Variants in IL1RAPL2 observed in about 807,000 individuals in gnomAD.
The protein encoded by IL1RAPL2 is interleukin 1 receptor accessory protein like 2, also known as X-linked interleukin-1 receptor accessory protein-like 2.
Under a neutral mutation model 44.1 loss-of-function variants are expected in IL1RAPL2, and 3 were observed. The ratio of observed to expected loss-of-function variants is 0.07; its 90% CI spans 0.03 to 0.18. The LOEUF is 0.18. Among genes scored for constraint, IL1RAPL2 ranks in the 10% least tolerant of loss-of-function variants. The pLI is 1.00. For synonymous variants in IL1RAPL2, 181 were observed against 178.8 expected (o/e 1.01, Z -0.10); for missense variants, 391 against 496.4 (o/e 0.79, Z 2.02).
intron 2 of IL1RAPL2, among the ~76,000 whole-genome samples, chrX:105,108,920 A>G (rs780743476): frequency 1.7e-4 from 19 of 111,956 alleles, no homozygotes; most frequent in Admixed American, 6.6e-4. Flanking sequence ...AAGGCCCTGC[A>G]TGAACTGACC....
intron 6 of IL1RAPL2, among the ~76,000 whole-genome samples, chrX:105,705,526 G>T (rs1181640499): frequency 9.0e-6 from 1 of 110,781 alleles, no homozygotes; most frequent in African/African-American, 3.3e-5. Flanking sequence ...GTAGAGAGAT[G>T]GGTGTAACAG....
chrX:104,908,953 C>G lies in IL1RAPL2; in HGVS notation c.82+249958C>G, dbSNP rs1309000157. ...CTGCAGAGTGTTTTCCAACTTGGTT[C>G]CATTCTCCCCGTCACTTTCAGGTAC... On this transcript the variant is annotated intron_variant, in intron 2 of 10. Coordinates refer to ENST00000372582, the MANE Select transcript of IL1RAPL2 (RefSeq NM_017416.2). 7.2e-5 allele frequency among the ~76,000 whole-genome samples: 8 copies of G among 110,613 alleles called. No individual in the cohort carries two copies. In the East Asian group the frequency reaches 1.1e-3, roughly 16 times the overall value.
intron 1 of IL1RAPL2, among the ~76,000 whole-genome samples, chrX:104,602,800 T>G (rs1428304488): frequency 9.0e-6 from 1 of 111,225 alleles, no homozygotes; most frequent in Admixed American, 9.5e-5. Context: ...TGGGCAGGCA[T>G]CTCTGAAAAA....
At chrX:105,275,061 A>C (rs1466810459) in intron 5 of IL1RAPL2, among the ~76,000 whole-genome samples, 1 of 110,955 alleles carries the variant, frequency 9.0e-6, no homozygotes, top group Non-Finnish European at 1.9e-5. Flanking sequence ...AAATACAAAA[A>C]TTAGCTGGCT....
intron 2 of IL1RAPL2, among the ~76,000 whole-genome samples, chrX:105,184,240 G>A (rs1556132533): frequency 1.8e-5 from 2 of 111,414 alleles, no homozygotes; most frequent in Non-Finnish European, 3.8e-5. Context: ...TGTTCTCTTT[G>A]AAGTGTAATT....
chrX:105,056,101 A>T, intron 2 of IL1RAPL2, among the ~76,000 whole-genome samples: 1 of 112,265 alleles, frequency 8.9e-6, no homozygotes, highest in African/African-American at 3.2e-5. Flanking sequence ...TGAATATTAC[A>T]AATTAATGAT....
At chrX:105,600,112 T>G (rs1476084273) in intron 6 of IL1RAPL2, among the ~76,000 whole-genome samples, 1 of 111,193 alleles carries the variant, frequency 9.0e-6, no homozygotes, top group African/African-American at 3.3e-5. Context: ...TGGCTTTTGT[T>G]TCATTCAACA....
chrX:104,647,769 C>G, intron 1 of IL1RAPL2: 1 of 538,724 alleles, frequency 1.9e-6, no homozygotes, highest in South Asian at 2.4e-5. Flanking sequence ...CCAGTGATGA[C>G]TGGTACATTA....
At chrX:105,359,590 ACT>A (rs1387437706) in intron 5 of IL1RAPL2, among the ~76,000 whole-genome samples, 5 of 110,734 alleles carry the variant, frequency 4.5e-5, no homozygotes, top group African/African-American at 9.9e-5. Flanking sequence ...AGCTCTAAAG[ACT>A]CTGCTTTTTC....
chrX:104,824,326 A>C (rs1921392817), intron 2 of IL1RAPL2, among the ~76,000 whole-genome samples: 1 of 112,129 alleles, frequency 8.9e-6, no homozygotes, highest in Non-Finnish European at 1.9e-5. Context: ...GATGTTCATC[A>C]GGGATATTGG....
chrX:105,674,205 G>T (rs1026343848), intron 6 of IL1RAPL2, among the ~76,000 whole-genome samples: 6 of 111,754 alleles, frequency 5.4e-5, no homozygotes, highest in Non-Finnish European at 1.1e-4. Context: ...TGCTTTTATT[G>T]CAATCGCTTA....
At chrX:104,865,224 T>A (rs1178737620) in intron 2 of IL1RAPL2, among the ~76,000 whole-genome samples, 1 of 111,748 alleles carries the variant, frequency 8.9e-6, no homozygotes, top group Admixed American at 9.5e-5. Context: ...AACAAGGACT[T>A]GAAAGATGCA....
chrX:105,633,902 CA>C (rs2037507211), intron 6 of IL1RAPL2, among the ~76,000 whole-genome samples: 2 of 111,247 alleles, frequency 1.8e-5, no homozygotes, highest in African/African-American at 6.5e-5. Flanking sequence ...ATGGAGAGAT[CA>C]GGGGGCAAGT....
intron 2 of IL1RAPL2, among the ~76,000 whole-genome samples, chrX:104,800,902 C>T (rs1932881178): frequency 8.9e-6 from 1 of 112,260 alleles, no homozygotes; most frequent in African/African-American, 3.2e-5. Context: ...CTGAGAAACC[C>T]AGGGCCAGTG....
chrX:104,711,685 T>TG (rs200175579), intron 2 of IL1RAPL2, among the ~76,000 whole-genome samples: 9 of 76,952 alleles, frequency 1.2e-4, no homozygotes, highest in South Asian at 7.6e-4. Context: ...CCTGGCTCAT[T>TG]GGAAAAAAAA....
intron 6 of IL1RAPL2, among the ~76,000 whole-genome samples, chrX:105,665,731 T>TG (rs1569463217): frequency 3.2e-5 from 2 of 62,107 alleles, no homozygotes; most frequent in Admixed American, 2.8e-4. Flanking sequence ...TTTTTGTTTT[T>TG]TTGTTTTTTT....
chrX:104,686,443 G>A (rs1426904697), intron 2 of IL1RAPL2, among the ~76,000 whole-genome samples: 3 of 111,644 alleles, frequency 2.7e-5, no homozygotes, highest in African/African-American at 9.8e-5. Flanking sequence ...TCCAGAAGAA[G>A]GGCATCCTAT....
chrX:105,590,150 T>C (rs2037157874), intron 6 of IL1RAPL2, among the ~76,000 whole-genome samples: 4 of 111,713 alleles, frequency 3.6e-5, no homozygotes, highest in Admixed American at 1.9e-4. Context: ...GTGAATGGGA[T>C]TGTGTTTTGA....
intron 2 of IL1RAPL2, among the ~76,000 whole-genome samples, chrX:104,795,132 C>G (rs896361608): frequency 9.0e-6 from 1 of 111,553 alleles, no homozygotes; most frequent in African/African-American, 3.3e-5. Context: ...TCTTTGGAGT[C>G]AAATGGTTCA....
Sources: allele counts gnomAD v4.1 joint callset (sites outside exome capture counted in the v4.1 genomes callset), GRCh38; gene constraint gnomAD v4.1.1; transcripts MANE v1.5; gene names NCBI Gene and HGNC (gene_info 2026-07-23, HGNC 2026-07-21).